The following TNS3 variants were observed in gnomAD, a reference collection of about 807,000 sequenced individuals.
TNS3 encodes the protein tensin-3.
TNS3 carries 45 observed loss-of-function variants against 140.9 expected under a neutral mutation model. The ratio of observed to expected loss-of-function variants is 0.32; its 90% confidence interval spans 0.25 to 0.41. The LOEUF is 0.41. Ranked by LOEUF, TNS3 falls within the 10% of genes least tolerant of loss-of-function variation. The probability of loss-of-function intolerance (pLI) is 1.00; values close to 1 mark genes in which losing one functional copy is unlikely to be tolerated. For missense variants in TNS3, 1,716 were observed against 1,906.7 expected, an observed-to-expected ratio of 0.90 and a Z score of 1.86; for synonymous variants, 815 against 788.4, an observed-to-expected ratio of 1.03 and a Z score of -0.56.
chr7:47,580,382 G>A (rs1376034112), intron 1 of TNS3, among the ~76,000 whole-genome samples: 1 of 152,212 alleles, frequency 6.6e-6, no homozygotes, highest in Non-Finnish European at 1.5e-5. Flanking sequence ...TGCATGCAAA[G>A]CATTTAGCAC....
At chr7:47,572,188 C>T (rs1217334362) in intron 1 of TNS3, among the ~76,000 whole-genome samples, 2 of 152,196 alleles carry the variant, frequency 1.3e-5, no homozygotes, top group Non-Finnish European at 2.9e-5. Flanking sequence ...ACAAATAGCC[C>T]GGCAGCCGAG....
intron 4 of TNS3, among the ~76,000 whole-genome samples, chr7:47,447,166 G>A (rs951296612): frequency 8.7e-5 from 13 of 149,620 alleles, no homozygotes; most frequent in African/African-American, 2.9e-4. Context: ...GACTCCCTGA[G>A]TCAGTGAGTG....
intron 1 of TNS3, 141 bp downstream of exon 1, chr7:47,581,910 C>G (rs1299808256): frequency 2.6e-5 from 4 of 151,060 alleles, no homozygotes; most frequent in African/African-American, 9.8e-5. Flanking sequence ...GCTCCCCGAA[C>G]TCAGTCCCCG....
intron 3 of TNS3, among the ~76,000 whole-genome samples, chr7:47,495,853 C>T (rs1456481106): frequency 6.6e-6 from 1 of 152,238 alleles, no homozygotes; most frequent in African/African-American, 2.4e-5. Flanking sequence ...TCCCCAACTG[C>T]AGCACACCTT....
intron 20 of TNS3, among the ~76,000 whole-genome samples, chr7:47,334,984 G>A (rs1788551350): frequency 6.6e-6 from 1 of 152,102 alleles, no homozygotes; most frequent in African/African-American, 2.4e-5. Context: ...TCAAGATTAA[G>A]GATCAGCTAA....
chr7:47,292,810 G>A lies in TNS3; in HGVS notation c.3850+18C>T. On this transcript the variant is annotated intron_variant, in intron 26 of 30. Coordinates refer to ENST00000311160, the MANE Select transcript of TNS3 (RefSeq NM_022748.12). Reference sequence around the variant, plus strand: ...AGACAATCTACACAGAGCCTGACTAGCACTGAGGACCCCTTACCTCTCTCT... The same window carrying A: ...AGACAATCTACACAGAGCCTGACTAACACTGAGGACCCCTTACCTCTCTCT... 1 of 1,611,980 alleles carries A rather than the reference G, an allele frequency of 6.2e-7. No individual in the cohort carries two copies. The highest frequency in any genetic ancestry group is 8.5e-7 in the Non-Finnish European group (1 of 1,178,296).
intron 8 of TNS3, among the ~76,000 whole-genome samples, chr7:47,429,649 AC>A (rs1794832814): frequency 6.6e-6 from 1 of 152,186 alleles, no homozygotes; most frequent in Non-Finnish European, 1.5e-5. Flanking sequence ...CTATGGGACT[AC>A]AGGCGTGAGC....
At chr7:47,461,623 C>CA (rs1256601471) in intron 4 of TNS3, among the ~76,000 whole-genome samples, 1 of 152,250 alleles carries the variant, frequency 6.6e-6, no homozygotes, top group Non-Finnish European at 1.5e-5. Context: ...CTGGGCTCTG[C>CA]AGTCCCGCAC....
chr7:47,343,256 G>C (rs901158598), intron 20 of TNS3, among the ~76,000 whole-genome samples: 1 of 152,128 alleles, frequency 6.6e-6, no homozygotes, highest in African/African-American at 2.4e-5. Flanking sequence ...CAGGCCACTG[G>C]GTACCCCACG....
At chr7:47,500,969 C>G (rs1205078080) in intron 3 of TNS3, among the ~76,000 whole-genome samples, 1 of 152,002 alleles carries the variant, frequency 6.6e-6, no homozygotes, top group Non-Finnish European at 1.5e-5. Context: ...ACGCCTATAA[C>G]CCCAGCTACT....
At chr7:47,474,088 G>A (rs1364154805) in intron 4 of TNS3, among the ~76,000 whole-genome samples, 2 of 149,830 alleles carry the variant, frequency 1.3e-5, no homozygotes, top group African/African-American at 2.5e-5. Flanking sequence ...GGCTTTCTGA[G>A]TTCAAGTAAA....
At chr7:47,402,214 G>T (rs979716563) in intron 13 of TNS3, among the ~76,000 whole-genome samples, 5 of 152,126 alleles carry the variant, frequency 3.3e-5, no homozygotes, top group Non-Finnish European at 7.3e-5. Context: ...CTATCTACAA[G>T]GAAAGGGACG....
At position 47,277,842 on chromosome 7, in the gene TNS3, A is replaced by G; in HGVS notation, c.*234T>C. On this transcript the variant is annotated 3_prime_UTR_variant, in exon 31 of 31. Transcript: ENST00000311160. The stretch of plus-strand genomic sequence containing the variant: ...GGTGCACCCATGCCCAGCTTCTTCT[A>G]CCCAAAAAGCATGTGGCTACAGAGA... 1 of 609,292 alleles carries G rather than the reference A, an allele frequency of 1.6e-6. No homozygotes were observed. The highest frequency in any genetic ancestry group is 3.0e-6 in the Non-Finnish European group (1 of 336,776). 37.7% of individuals were successfully genotyped at this position (609,292 alleles called of 1,614,324 possible). A position where few individuals can be genotyped will look rare whatever the true frequency, so the allele number is the denominator to read the frequency against.
chr7:47,326,933 T>C (rs1277655905), intron 20 of TNS3, among the ~76,000 whole-genome samples: 1 of 152,194 alleles, frequency 6.6e-6, no homozygotes, highest in Admixed American at 6.5e-5. Flanking sequence ...CGTTTCACAA[T>C]AAAGAGCTCT....
intron 12 of TNS3, among the ~76,000 whole-genome samples, chr7:47,412,215 G>T (rs973892575): frequency 5.3e-5 from 8 of 152,308 alleles, no homozygotes; most frequent in African/African-American, 1.7e-4. Flanking sequence ...TGAGTAATGA[G>T]AATATTTGTT....
chr7:47,302,367 C>G, intron 22 of TNS3, 95 bp from the exon 23 acceptor site: 1 of 973,830 alleles, frequency 1.0e-6, no homozygotes, highest in South Asian at 1.4e-5. Context: ...AATCCCATGC[C>G]AAGGGCAAGC....
intron 13 of TNS3, among the ~76,000 whole-genome samples, chr7:47,404,644 T>C (rs1295761307): frequency 6.6e-6 from 1 of 151,892 alleles, no homozygotes; most frequent in Non-Finnish European, 1.5e-5. Context: ...CCCAGCACTT[T>C]GGGAGGCCGA....
intron 4 of TNS3, among the ~76,000 whole-genome samples, chr7:47,449,571 C>T (rs969457741): frequency 6.6e-6 from 1 of 152,196 alleles, no homozygotes; most frequent in Non-Finnish European, 1.5e-5. Flanking sequence ...CGACCTGAGT[C>T]ATATGTTCCT....
intron 27 of TNS3, among the ~76,000 whole-genome samples, chr7:47,290,074 CCACA>C (rs1391101951): frequency 1.8e-4 from 28 of 152,172 alleles, no homozygotes; most frequent in African/African-American, 6.5e-4. Flanking sequence ...GAAAGTAGAC[CCACA>C]TGAATATAGT....
Sources: allele counts gnomAD v4.1 joint callset (sites outside exome capture counted in the v4.1 genomes callset), GRCh38; gene constraint gnomAD v4.1.1; transcripts MANE v1.5; gene names NCBI Gene and HGNC (gene_info 2026-07-23, HGNC 2026-07-21).